RAB14: variants seen among roughly 807,000 people sequenced by gnomAD.
The protein encoded by RAB14 is ras-related protein Rab-14.
Under a neutral mutation model 31.1 loss-of-function variants are expected in RAB14, and 3 were observed. The observed-to-expected ratio is 0.10, with a 90% CI of 0.04 to 0.25. The LOEUF is 0.25. Among genes scored for constraint, RAB14 ranks in the 10% least tolerant of loss-of-function variants. RAB14 has a pLI of 1.00. For synonymous variants in RAB14, 85 were observed against 84.9 expected (o/e 1.00, Z 0.00); for missense variants, 111 against 260.1 (o/e 0.43, Z 3.94).
intron 7 of RAB14, among the ~76,000 whole-genome samples, chr9:121,181,946 C>T (rs1342570897): frequency 1.3e-5 from 2 of 151,884 alleles, no homozygotes; most frequent in Admixed American, 1.3e-4. Context: ...CAGGGTTTCA[C>T]CATGTTGGCC....
chr9:121,193,016 A>G (rs1464238386), intron 2 of RAB14, among the ~76,000 whole-genome samples: 1 of 152,130 alleles, frequency 6.6e-6, no homozygotes. Flanking sequence ...ATTTTTCCTT[A>G]TAACAGAAAC....
chr9:121,188,153 CCT>C (rs1420456607), intron 4 of RAB14, among the ~76,000 whole-genome samples: 1 of 151,822 alleles, frequency 6.6e-6, no homozygotes, highest in African/African-American at 2.4e-5. Flanking sequence ...CAAAATAGCC[CCT>C]TTCCCCCCAA....
intron 1 of RAB14, among the ~76,000 whole-genome samples, chr9:121,194,825 AG>A (rs2053706513): frequency 6.6e-6 from 1 of 152,204 alleles, no homozygotes; most frequent in African/African-American, 2.4e-5. Context: ...TATTATTATA[AG>A]GGAAGAGGAA....
At chr9:121,199,935 T>C (rs956228766) in intron 1 of RAB14, among the ~76,000 whole-genome samples, 1 of 152,214 alleles carries the variant, frequency 6.6e-6, no homozygotes, top group Non-Finnish European at 1.5e-5. Flanking sequence ...TCAAAAGATA[T>C]TAAACACCCA....
chr9:121,199,337 T>C (rs1257192267), intron 1 of RAB14, among the ~76,000 whole-genome samples: 1 of 152,220 alleles, frequency 6.6e-6, no homozygotes, highest in Non-Finnish European at 1.5e-5. Flanking sequence ...TAAAATTGTC[T>C]AGAATAAGAA....
intron 4 of RAB14, among the ~76,000 whole-genome samples, chr9:121,188,484 ATAATTT>A: frequency 6.6e-6 from 1 of 151,484 alleles, no homozygotes; most frequent in Non-Finnish European, 1.5e-5. Flanking sequence ...CACTATAATT[ATAATTT>A]TAAATCTATA....
chr9:121,188,540 TAA>T (rs530621012), intron 4 of RAB14, among the ~76,000 whole-genome samples: 1 of 150,156 alleles, frequency 6.7e-6, no homozygotes, highest in Non-Finnish European at 1.5e-5. Context: ...GTACTAGTAC[TAA>T]AAAAAAAGTG....
intron 4 of RAB14, 26 bp downstream of exon 4, chr9:121,190,528 A>G (rs937094697): frequency 6.5e-7 from 1 of 1,544,326 alleles, no homozygotes; most frequent in African/African-American, 1.4e-5. Flanking sequence ...TTTTCCCCAT[A>G]TGAAGGTTGA....
rs995316125 is a variant in RAB14, at chr9:121,179,088, T to C, written c.*2308A>G. ...TGTGCTGATCTTACACTGAAAAGGG[T>C]TGACTGAAAACATTTCAAGGGTAAT... On this transcript the variant is annotated 3_prime_UTR_variant, in exon 8 of 8. Transcript: ENST00000373840. The C allele has an allele frequency of 1.6e-4, 25 of 152,230 alleles. No individual in the cohort carries two copies. The highest frequency in any genetic ancestry group is 6.0e-4 in the African/African-American group (25 of 41,544). The allele number at this position is 152,230 out of a possible 1,614,324, so 9.4% of individuals were successfully genotyped here. A position where few individuals can be genotyped will look rare whatever the true frequency, so the allele number is the denominator to read the frequency against.
chr9:121,182,941 C>T lies in RAB14; in HGVS notation c.459G>A (p.Ala153=), dbSNP rs140790437. 1.9e-3 allele frequency: 3,126 copies of T among 1,606,444 alleles called. 9 individuals are homozygous for T. The highest frequency in any genetic ancestry group is 3.0e-3 in the Middle Eastern group (18 of 5,972). Residue 153 remains alanine, a synonymous_variant, in exon 7 of 8, where the codon GCG becomes GCA. Coordinates refer to ENST00000373840, the MANE Select transcript of RAB14 (RefSeq NM_016322.4). Reference sequence around the variant, plus strand: ...TTGGTCACACTTACGTTTTTGCACTCGCTTCGAGGAACAATAAGCCTAAAA... The same window carrying T: ...TTGGTCACACTTACGTTTTTGCACTTGCTTCGAGGAACAATAAGCCTAAAA... ...AEENGLLFLE[A]SAKTGENVED...
intron 1 of RAB14, among the ~76,000 whole-genome samples, chr9:121,193,967 T>C (rs1246830209): frequency 2.0e-5 from 3 of 152,164 alleles, no homozygotes; most frequent in Non-Finnish European, 2.9e-5. Flanking sequence ...AGCAATCGTA[T>C]GATTTCCAAA....
In RAB14 at chr9:121,180,601, G is replaced by C. The variant is rs959871854; in HGVS notation, c.*795C>G. On this transcript the variant is annotated 3_prime_UTR_variant, in exon 8 of 8. Coordinates refer to ENST00000373840, the MANE Select transcript of RAB14 (RefSeq NM_016322.4). ...TGTGTCTATTTCTTTGTGTGAAATG[G>C]AAGGGAGTAACATGGTCACATATAG... The C allele has an allele frequency of 6.6e-6, 1 of 152,658 alleles. No homozygotes were observed. The highest frequency in any genetic ancestry group is 2.4e-5 in the African/African-American group (1 of 41,458). 9.5% of individuals were successfully genotyped at this position (152,658 alleles called of 1,614,324 possible). A position where few individuals can be genotyped will look rare whatever the true frequency, so the allele number is the denominator to read the frequency against.
chr9:121,196,797 A>G (rs1315999895), intron 1 of RAB14, among the ~76,000 whole-genome samples: 1 of 152,262 alleles, frequency 6.6e-6, no homozygotes, highest in Non-Finnish European at 1.5e-5. Context: ...TGGTAATACT[A>G]GTAATACTAA....
rs1157906121 is a variant in RAB14, at chr9:121,183,406, G to T, written c.352-8C>A. The T allele has an allele frequency of 1.9e-6, 3 of 1,574,600 alleles. No individual in the cohort carries two copies. The highest frequency in any genetic ancestry group is 1.7e-4 in the Middle Eastern group (1 of 5,980). Reference sequence around the variant, plus strand: ...TCCTATGAGAATTATTACCTAATTTGTGATCAAAAGAAAGACACCTTGTAA... The same window carrying T: ...TCCTATGAGAATTATTACCTAATTTTTGATCAAAAGAAAGACACCTTGTAA... On this transcript the variant is annotated splice_polypyrimidine_tract_variant and splice_region_variant and intron_variant, in intron 5 of 7. Coordinates refer to ENST00000373840, the MANE Select transcript of RAB14 (RefSeq NM_016322.4).
chr9:121,182,858 C>G, intron 7 of RAB14, 72 bp downstream of exon 7: 1 of 1,333,400 alleles, frequency 7.5e-7, no homozygotes, highest in South Asian at 1.3e-5. Context: ...ACATTATATA[C>G]TTTTCATATA....
chr9:121,198,085 G>A (rs1240891379), intron 1 of RAB14, among the ~76,000 whole-genome samples: 1 of 151,694 alleles, frequency 6.6e-6, no homozygotes, highest in Non-Finnish European at 1.5e-5. Flanking sequence ...ACACCAAATT[G>A]TGAAAAATAC....
intron 1 of RAB14, among the ~76,000 whole-genome samples, chr9:121,200,205 C>G (rs1225727520): frequency 1.3e-5 from 2 of 152,114 alleles, no homozygotes; most frequent in African/African-American, 2.4e-5. Context: ...TAGGCATGAT[C>G]AAATAAAACT....
intron 5 of RAB14, among the ~76,000 whole-genome samples, chr9:121,184,595 T>A (rs1316407549): frequency 2.0e-5 from 3 of 152,178 alleles, no homozygotes; most frequent in African/African-American, 7.2e-5. Flanking sequence ...CCATTAACTT[T>A]TTTTCATGTA....
chr9:121,201,443 C>T (rs1401549747), intron 1 of RAB14, among the ~76,000 whole-genome samples, 196 bp downstream of exon 1: 1 of 152,056 alleles, frequency 6.6e-6, no homozygotes, highest in African/African-American at 2.4e-5. Context: ...ACACCTCCGC[C>T]CCCGCCCAGG....
Sources: allele counts gnomAD v4.1 joint callset (sites outside exome capture counted in the v4.1 genomes callset), GRCh38; gene constraint gnomAD v4.1.1; transcripts MANE v1.5; gene names NCBI Gene and HGNC (gene_info 2026-07-23, HGNC 2026-07-21).